The following CUX1 variants were observed in gnomAD, a reference collection of about 807,000 sequenced individuals.
CUX1 encodes cut like homeobox 1.
Under a neutral mutation model 158.8 loss-of-function variants are expected in CUX1, and 31 were observed. The ratio of observed to expected loss-of-function variants is 0.20; its 90% confidence interval spans 0.15 to 0.26. The LOEUF is 0.26. CUX1 is among the 10% of genes least tolerant of loss of function. The probability of loss-of-function intolerance (pLI) is 1.00; values close to 1 mark genes in which losing one functional copy is unlikely to be tolerated. For missense variants in CUX1, 1,589 were observed against 2,014.6 expected, an observed-to-expected ratio of 0.79 and a Z score of 4.04; for synonymous variants, 879 against 862.1, an observed-to-expected ratio of 1.02 and a Z score of -0.34.
intron 1 of CUX1, among the ~76,000 whole-genome samples, chr7:101,899,006 A>G (rs531803819): frequency 6.6e-6 from 1 of 152,326 alleles, no homozygotes; most frequent in East Asian, 1.9e-4. Context: ...CTATTTGTGC[A>G]TGGCTGCCTG....
At chr7:102,122,841 G>A (rs1832196049) in intron 8 of CUX1, among the ~76,000 whole-genome samples, 1 of 152,146 alleles carries the variant, frequency 6.6e-6, no homozygotes, top group Admixed American at 6.5e-5. Flanking sequence ...GTCAGGTGCT[G>A]GAACGATAGA....
chr7:102,223,553 A>G (rs1586311035), intron 20 of CUX1, among the ~76,000 whole-genome samples: 1 of 152,204 alleles, frequency 6.6e-6, no homozygotes, highest in Middle Eastern at 3.2e-3. Context: ...AAATATGGTC[A>G]ATAGAAAAGA....
At chr7:102,280,654 GA>G in intron 19 of CUX1, 2 of 676,142 alleles carry the variant, frequency 3.0e-6, no homozygotes, top group South Asian at 3.5e-5. Context: ...TGCACCCAGG[GA>G]AGCCCCTGGC....
chr7:101,921,047 TC>T (rs1804858305), intron 2 of CUX1, among the ~76,000 whole-genome samples: 1 of 152,018 alleles, frequency 6.6e-6, no homozygotes, highest in Admixed American at 6.5e-5. Context: ...GGTGTCAGAC[TC>T]CTGGGCTCAA....
intron 3 of CUX1, among the ~76,000 whole-genome samples, chr7:102,037,428 C>T (rs1235991251): frequency 3.3e-5 from 5 of 150,050 alleles, no homozygotes; most frequent in African/African-American, 4.9e-5. Flanking sequence ...TCTTGGCTCA[C>T]CACAACCTCT....
chr7:101,910,695 C>T (rs538427804), intron 1 of CUX1, among the ~76,000 whole-genome samples: 2 of 149,404 alleles, frequency 1.3e-5, no homozygotes, highest in African/African-American at 4.9e-5. Context: ...ACCAGTGAGC[C>T]GAGATCACAC....
At chr7:101,847,520 C>T (rs767919161) in intron 1 of CUX1, among the ~76,000 whole-genome samples, 3 of 152,098 alleles carry the variant, frequency 2.0e-5, no homozygotes, top group South Asian at 2.1e-4. Context: ...CTGCTTCCTC[C>T]GTGAAACAGC....
At chr7:102,052,623 G>T (rs1195443884) in intron 3 of CUX1, among the ~76,000 whole-genome samples, 1 of 152,098 alleles carries the variant, frequency 6.6e-6, no homozygotes, top group Non-Finnish European at 1.5e-5. Flanking sequence ...AAGTTTTTGT[G>T]CAGGTAAACA....
At chr7:101,816,673 C>T (rs955251685), upstream of CUX1, among the ~76,000 whole-genome samples, 2 of 145,166 alleles carry the variant, frequency 1.4e-5, no homozygotes, top group African/African-American at 4.9e-5. Flanking sequence ...CCAGGAGGAG[C>T]CGCCGCCACT....
intron 15 of CUX1, 25 bp from the exon 16 acceptor site, chr7:102,198,777 T>C: frequency 6.2e-7 from 1 of 1,608,644 alleles, no homozygotes. Context: ...ATTGTTTTGT[T>C]CTTACCACAC....
intron 2 of CUX1, among the ~76,000 whole-genome samples, chr7:101,998,825 CTCTT>C (rs1051558637): frequency 2.0e-5 from 3 of 152,320 alleles, no homozygotes; most frequent in African/African-American, 7.2e-5. Context: ...GTCCAGCTCT[CTCTT>C]CGTCGCTTTC....
intron 20 of CUX1, among the ~76,000 whole-genome samples, chr7:102,224,889 C>G (rs1280734949): frequency 4.6e-5 from 7 of 152,190 alleles, no homozygotes; most frequent in African/African-American, 1.7e-4. Context: ...GACACAAAAC[C>G]TGAAGAGAAA....
chr7:102,009,730 C>T (rs569892072), intron 2 of CUX1, among the ~76,000 whole-genome samples: 4 of 152,366 alleles, frequency 2.6e-5, no homozygotes, highest in African/African-American at 9.6e-5. Flanking sequence ...TGCACACCAG[C>T]GTGGCAGACA....
chr7:102,082,615 T>C (rs1205537686), intron 4 of CUX1, among the ~76,000 whole-genome samples: 2 of 147,474 alleles, frequency 1.4e-5, no homozygotes, highest in African/African-American at 4.9e-5. Context: ...GTAGAACATT[T>C]CTATCACCTC....
chr7:101,857,810 A>G (rs1797031525), intron 1 of CUX1, among the ~76,000 whole-genome samples: 1 of 152,138 alleles, frequency 6.6e-6, no homozygotes, highest in Non-Finnish European at 1.5e-5. Context: ...ATTTGTAGAA[A>G]TCAGCTTCAT....
At chr7:102,122,673 G>A (rs953065861) in intron 8 of CUX1, among the ~76,000 whole-genome samples, 1 of 152,156 alleles carries the variant, frequency 6.6e-6, no homozygotes, top group Admixed American at 6.5e-5. Flanking sequence ...GAGCGCTGAC[G>A]ATTCTTTGCC....
At chr7:102,224,799 A>T (rs1798185163) in intron 20 of CUX1, among the ~76,000 whole-genome samples, 1 of 152,218 alleles carries the variant, frequency 6.6e-6, no homozygotes, top group Non-Finnish European at 1.5e-5. Context: ...AGAACAAAAC[A>T]GGGAGATGCC....
chr7:102,097,215 C>T lies in CUX1; in HGVS notation c.269-149C>T, dbSNP rs1445891985. On this transcript the variant is annotated intron_variant, in intron 4 of 23. Coordinates refer to ENST00000292535, the MANE Select transcript of CUX1 (RefSeq NM_181552.4). ...AGCACTGGAGAATTCTCCCACCCAGCAAGGGGGCTGGCTGCAGGGGCATGA... is the reference window on the plus strand; with the variant it reads ...AGCACTGGAGAATTCTCCCACCCAGTAAGGGGGCTGGCTGCAGGGGCATGA... The T allele has an allele frequency of 5.4e-6, 5 of 926,980 alleles. No homozygotes were observed. The Admixed American group carries it at 9.5e-5, about 18-fold the overall frequency. The allele number at this position is 926,980 out of a possible 1,614,324, so 57.4% of individuals were successfully genotyped here. A position where few individuals can be genotyped will look rare whatever the true frequency, so the allele number is the denominator to read the frequency against.
In CUX1 at chr7:102,201,357, C is replaced by T; in HGVS notation, c.2063-3C>T. ...ACACTCTCACCCCTGTTTCTCCATG[C>T]AGCAGAGCCGGCCCAGCCTTCCTCC... On this transcript the variant is annotated splice_polypyrimidine_tract_variant and splice_region_variant and intron_variant, in intron 17 of 23. Transcript: ENST00000292535. This position sits in a 1 kb window ranked among gnomAD's most constrained non-coding sequence, Gnocchi z 5.0. 6.2e-7 allele frequency: 1 copy of T among 1,611,780 alleles called. No homozygotes were observed. Among genetic ancestry groups the T allele is most frequent in the Non-Finnish European group, 8.5e-7 (1 of 1,178,806 alleles).
Sources: gnomAD v4.1 joint callset for allele counts (sites outside exome capture counted in the v4.1 genomes callset) on GRCh38, gnomAD v4.1.1 for gene constraint, Gnocchi (gnomAD v3.1) non-coding constraint, MANE v1.5 for transcripts, NCBI Gene and HGNC (gene_info 2026-07-23, HGNC 2026-07-21) for gene names.